GPSM3: variants seen among roughly 807,000 people sequenced by gnomAD.
GPSM3 encodes the protein G protein-signaling modulator 3.
GPSM3 carries 16 observed loss-of-function variants against 20.4 expected under a neutral mutation model. That is an observed-to-expected ratio of 0.78 (90% CI 0.53 to 1.19). The LOEUF (loss-of-function observed/expected upper bound fraction) is 1.19. Among genes scored for constraint, GPSM3 ranks in the 50% most tolerant of loss-of-function variants. The pLI is 0.00. For synonymous variants in GPSM3, 70 were observed against 79.6 expected (o/e 0.88, Z 0.64); for missense variants, 177 against 204.6 (o/e 0.86, Z 0.82).
At chr6:32,195,510 GA>G, upstream of GPSM3, 1 of 1,613,060 alleles carries the variant, frequency 6.2e-7, no homozygotes, top group Non-Finnish European at 8.5e-7. This position sits in a 1 kb window ranked among gnomAD's most constrained non-coding sequence, Gnocchi z 5.4. Flanking sequence ...AAGTTGAGGT[GA>G]TCCCCGCTCC....
chr6:32,192,718 C>G (rs1031390059), upstream of GPSM3: 1 of 460,510 alleles, frequency 2.2e-6, no homozygotes, highest in Admixed American at 3.8e-5. This position sits in a 1 kb window ranked among gnomAD's most constrained non-coding sequence, Gnocchi z 5.1. Context: ...CATTCTCTTC[C>G]CACCCAAACA....
In GPSM3 at chr6:32,191,317, G is replaced by T. The variant is rs370194511; in HGVS notation, c.*49C>A. The stretch of plus-strand genomic sequence containing the variant: ...AAGAGTTGAGGGCATGCAATGGGCT[G>T]CCCAGCTTTGAGACCAGTGGCAAGG... On this transcript the variant is annotated 3_prime_UTR_variant, in exon 4 of 4. Transcript: ENST00000375040. The surrounding 1 kb of genome is among the most constrained non-coding windows in gnomAD (Gnocchi z 5.9). The T allele has an allele frequency of 7.4e-5, 116 of 1,558,586 alleles. No homozygotes were observed. The highest frequency in any genetic ancestry group is 1.1e-4 in the Admixed American group (5 of 45,280).
chr6:32,192,883 C>T, upstream of GPSM3: 1 of 251,418 alleles, frequency 4.0e-6, no homozygotes, highest in Non-Finnish European at 7.6e-6. The surrounding 1 kb of genome is among the most constrained non-coding windows in gnomAD (Gnocchi z 5.1). Context: ...GCTCCCTCCA[C>T]CCCACCTCCT....
chr6:32,191,663 C>T lies in GPSM3; in HGVS notation c.345+46G>A, dbSNP rs747709742. The T allele has an allele frequency of 1.2e-5, 19 of 1,529,388 alleles. No homozygotes were observed. Among genetic ancestry groups the T allele is most frequent in the South Asian group, 2.4e-5 (2 of 82,022 alleles). The allele number at this position is 1,529,388 out of a possible 1,614,324, so 94.7% of individuals were successfully genotyped here. On this transcript the variant is annotated intron_variant, in intron 3 of 3. Coordinates refer to ENST00000375040, the MANE Select transcript of GPSM3 (RefSeq NM_001276501.2). This position sits in a 1 kb window ranked among gnomAD's most constrained non-coding sequence, Gnocchi z 5.9. ...GTAGAGCCCCAAAGAGAACAGGGGC[C>T]AAGAGACCAGGAGGCCTGGGTTTGC...
chr6:32,191,759 G>A lies in GPSM3; in HGVS notation c.295C>T (p.Arg99Cys), dbSNP rs372347840. ...AGCTGTTCTCTGTCCTCGAGAGGAC[G>A]GAGTGGGGCAGGGGCTAGGCTTGAG... The part of the protein sequence containing the change: ...NPSSLAPAPL[R>C]PLEDREQLYS... Residue 99 changes from arginine to cysteine, a missense_variant, in exon 3 of 4, where the codon CGT becomes TGT. By Grantham distance (180) the Arg-to-Cys change is radical (BLOSUM62 -3). Transcript: ENST00000375040. The surrounding 1 kb of genome is among the most constrained non-coding windows in gnomAD (Gnocchi z 5.9). 487 of 1,612,678 alleles carry A rather than the reference G, an allele frequency of 3.0e-4. 6 individuals carry two copies. The South Asian group carries it at 5.0e-3, about 16-fold the overall frequency.
In GPSM3 at chr6:32,191,400, T is replaced by C; in HGVS notation, c.449A>G (p.Glu150Gly). The change falls in exon 4 of 4, where the codon GAG (glutamate) becomes GGG (glycine). Residue 150 changes from glutamate (E) to glycine (G), a missense_variant. By Grantham distance (98) the Glu-to-Gly change is moderately conservative. Transcript: ENST00000375040. This position sits in a 1 kb window ranked among gnomAD's most constrained non-coding sequence, Gnocchi z 5.9. ...GTGTGTGGGGGGCCGGGACCTTTGC[T>C]CCTCCATTCGACCCCCACCCTGAAC... ...LRVQGGGRME[E>G]QRSRPPTHTC is the part of the protein sequence containing the mutation. 6.3e-7 allele frequency: 1 copy of C among 1,586,934 alleles called. No individual in the cohort carries two copies. The highest frequency in any genetic ancestry group is 8.5e-7 in the Non-Finnish European group (1 of 1,170,592).
upstream of GPSM3, among the ~76,000 whole-genome samples, chr6:32,193,984 A>G (rs889570164): frequency 6.6e-6 from 1 of 152,192 alleles, no homozygotes. The surrounding 1 kb of genome is among the most constrained non-coding windows in gnomAD (Gnocchi z 4.7). Flanking sequence ...TATTCCTTGC[A>G]ATCTTGGGCA....
upstream of GPSM3, chr6:32,194,277 G>A (rs947275149): frequency 1.3e-5 from 2 of 152,208 alleles, no homozygotes; most frequent in African/African-American, 4.8e-5. This position sits in a 1 kb window ranked among gnomAD's most constrained non-coding sequence, Gnocchi z 4.5. Flanking sequence ...GAGGGACAAA[G>A]TGTGTGCATC....
In GPSM3 at chr6:32,192,396, C is replaced by G; in HGVS notation, c.42+76G>C. ...CCAAGCCTTTCAAGGCCCCTGTGTC[C>G]CTACATTTCTGCCCCAGGTCCTCTC... On this transcript the variant is annotated intron_variant, in intron 1 of 3. Coordinates refer to ENST00000375040, the MANE Select transcript of GPSM3 (RefSeq NM_001276501.2). The surrounding 1 kb of genome is among the most constrained non-coding windows in gnomAD (Gnocchi z 5.1). 2 of 1,486,240 alleles carry G rather than the reference C, an allele frequency of 1.3e-6. No individual in the cohort carries two copies. Among genetic ancestry groups the G allele is most frequent in the Non-Finnish European group, 1.8e-6 (2 of 1,088,940 alleles). The allele number at this position is 1,486,240 out of a possible 1,614,324, so 92.1% of individuals were successfully genotyped here.
rs1169605609 is a variant in GPSM3 at position 32,191,420 on chromosome 6, C to T, written c.429G>A (p.Gln143=). The change falls in exon 4 of 4, where the codon CAG becomes CAA. Residue 143 remains glutamine, a synonymous_variant. Coordinates refer to ENST00000375040, the MANE Select transcript of GPSM3 (RefSeq NM_001276501.2). This position sits in a 1 kb window ranked among gnomAD's most constrained non-coding sequence, Gnocchi z 5.9. ...TTTGCTCCTCCATTCGACCCCCACCCTGAACTCTCAGCAGCAACTCCAGGA... is the reference window on the plus strand; with the variant it reads ...TTTGCTCCTCCATTCGACCCCCACCTTGAACTCTCAGCAGCAACTCCAGGA... ...QELLELLLRV[Q]GGGRMEEQRS... 1 of 1,595,082 alleles carries T rather than the reference C, an allele frequency of 6.3e-7. No individual in the cohort carries two copies. Among genetic ancestry groups the T allele is most frequent in the Non-Finnish European group, 8.5e-7 (1 of 1,172,454 alleles).
chr6:32,192,307 G>A lies in GPSM3; in HGVS notation c.43-57C>T. 1 of 1,420,486 alleles carries A rather than the reference G, an allele frequency of 7.0e-7. No homozygotes were observed. Among genetic ancestry groups the A allele is most frequent in the South Asian group, 1.3e-5 (1 of 76,906 alleles). 88.0% of individuals were successfully genotyped at this position (1,420,486 alleles called of 1,614,324 possible). ...CAGTGGTGGTTGAAGCGGGAGGAGT[G>A]GACAGGGGGCTAGGCCAGTGGCCCG... On this transcript the variant is annotated intron_variant, in intron 1 of 3. Transcript: ENST00000375040. This position sits in a 1 kb window ranked among gnomAD's most constrained non-coding sequence, Gnocchi z 5.1.
chr6:32,192,291 T>C lies in GPSM3; in HGVS notation c.43-41A>G. On this transcript the variant is annotated intron_variant, in intron 1 of 3. Coordinates refer to ENST00000375040, the MANE Select transcript of GPSM3 (RefSeq NM_001276501.2). The surrounding 1 kb of genome is among the most constrained non-coding windows in gnomAD (Gnocchi z 5.1). ...GTCCATTCTAGTCAAGCAGTGGTGGTTGAAGCGGGAGGAGTGGACAGGGGG... is the reference window on the plus strand; with the variant it reads ...GTCCATTCTAGTCAAGCAGTGGTGGCTGAAGCGGGAGGAGTGGACAGGGGG... 1.4e-6 allele frequency: 2 copies of C among 1,481,276 alleles called. No homozygotes were observed. The highest frequency in any genetic ancestry group is 2.6e-5 in the South Asian group (2 of 77,660). 91.8% of individuals were successfully genotyped at this position (1,481,276 alleles called of 1,614,324 possible).
At position 32,191,693 on chromosome 6, in the gene GPSM3, T is replaced by TG; in HGVS notation, c.345+15dup. ...GACCAGGAGGCCTGGGTTTGCCTCCTGGGGGGATGTCTTACCTGGTGACTG... is the reference window on the plus strand; with the variant it reads ...GACCAGGAGGCCTGGGTTTGCCTCCTGGGGGGGATGTCTTACCTGGTGACTG... On this transcript the variant is annotated intron_variant, in intron 3 of 3. Transcript: ENST00000375040. This position sits in a 1 kb window ranked among gnomAD's most constrained non-coding sequence, Gnocchi z 5.9. 1.3e-6 allele frequency: 2 copies of TG among 1,586,094 alleles called. No homozygotes were observed. The highest frequency in any genetic ancestry group is 1.1e-5 in the South Asian group (1 of 88,368).
upstream of GPSM3, chr6:32,194,521 G>A (rs1223652429): frequency 6.4e-6 from 1 of 157,454 alleles, no homozygotes; most frequent in African/African-American, 2.4e-5. This position sits in a 1 kb window ranked among gnomAD's most constrained non-coding sequence, Gnocchi z 4.5. Context: ...CTGACAGGAG[G>A]TGGAGCTTGG....
Position 32,192,061 on chromosome 6 carries a change from G to T in GPSM3, c.145+87C>A. The T allele has an allele frequency of 7.8e-7, 1 of 1,287,332 alleles. No individual in the cohort carries two copies. Among genetic ancestry groups the T allele is most frequent in the Non-Finnish European group, 1.1e-6 (1 of 918,708 alleles). The allele number at this position is 1,287,332 out of a possible 1,614,324, so 79.7% of individuals were successfully genotyped here. ...CCAAGGGGAGTCTGGAGGAGGTGGG[G>T]AGAGGGCCCACAATGGAGTGGGCCT... On this transcript the variant is annotated intron_variant, in intron 2 of 3. Coordinates refer to ENST00000375040, the MANE Select transcript of GPSM3 (RefSeq NM_001276501.2). This position sits in a 1 kb window ranked among gnomAD's most constrained non-coding sequence, Gnocchi z 5.1.
rs1175654921 is a variant in GPSM3, at chr6:32,192,058, G to A, written c.145+90C>T. ...ATCCCAAGGGGAGTCTGGAGGAGGT[G>A]GGGAGAGGGCCCACAATGGAGTGGG... On this transcript the variant is annotated intron_variant, in intron 2 of 3. Coordinates refer to ENST00000375040, the MANE Select transcript of GPSM3 (RefSeq NM_001276501.2). The surrounding 1 kb of genome is among the most constrained non-coding windows in gnomAD (Gnocchi z 5.1). 2.4e-6 allele frequency: 3 copies of A among 1,274,758 alleles called. No homozygotes were observed. The South Asian group carries it at 4.1e-5, about 17-fold the overall frequency. 79.0% of individuals were successfully genotyped at this position (1,274,758 alleles called of 1,614,324 possible). A position where few individuals can be genotyped will look rare whatever the true frequency, so the allele number is the denominator to read the frequency against.
chr6:32,191,919 G>A lies in GPSM3; in HGVS notation c.146-11C>T. 6.2e-7 allele frequency: 1 copy of A among 1,609,982 alleles called. No homozygotes were observed. Among genetic ancestry groups the A allele is most frequent in the Non-Finnish European group, 8.5e-7 (1 of 1,178,726 alleles). On this transcript the variant is annotated splice_polypyrimidine_tract_variant and intron_variant, in intron 2 of 3. Coordinates refer to ENST00000375040, the MANE Select transcript of GPSM3 (RefSeq NM_001276501.2). The surrounding 1 kb of genome is among the most constrained non-coding windows in gnomAD (Gnocchi z 5.9). ...AGCGGGGTCCCAGGGCTGGGGAGAG[G>A]GGTGTGGAGGGCTCAGAGACCCAGA... is the stretch of plus-strand genomic sequence containing the variant.
Position 32,192,181 on chromosome 6 carries a change from G to C in GPSM3, c.112C>G (p.Pro38Ala). ...STTRPWRSAP[P>A]SPPPPGTRHT... ...CGGGTCCCTGGAGGAGGAGGGGATG[G>C]AGGAGCAGATCGCCAAGGCCGAGTG... is the stretch of plus-strand genomic sequence containing the variant. Residue 38 changes from proline (P) to alanine (A), a missense_variant, in exon 2 of 4, where the codon CCA becomes GCA. Physicochemically the swap from Pro to Ala is conservative, Grantham distance 27 (BLOSUM62 -1). Coordinates refer to ENST00000375040, the MANE Select transcript of GPSM3 (RefSeq NM_001276501.2). This position sits in a 1 kb window ranked among gnomAD's most constrained non-coding sequence, Gnocchi z 5.1. 6.6e-7 allele frequency: 1 copy of C among 1,512,738 alleles called. No homozygotes were observed. The highest frequency in any genetic ancestry group is 8.8e-7 in the Non-Finnish European group (1 of 1,131,008). The allele number at this position is 1,512,738 out of a possible 1,614,324, so 93.7% of individuals were successfully genotyped here.
In GPSM3 at chr6:32,191,904, C is replaced by G; in HGVS notation, c.150G>C (p.Leu50=). The G allele has an allele frequency of 6.2e-7, 1 of 1,610,724 alleles. No homozygotes were observed. The highest frequency in any genetic ancestry group is 1.7e-5 in the Admixed American group (1 of 59,972). ...AGAGCAGGGAGGCCGAGCGGGGTCC[C>G]AGGGCTGGGGAGAGGGGTGTGGAGG... is the stretch of plus-strand genomic sequence containing the variant. ...PPPPGTRHTA[L]GPRSASLLSL... is the part of the protein sequence containing the mutation. The change falls in exon 3 of 4, where the codon CTG becomes CTC. Residue 50 remains leucine (L), a synonymous_variant. Transcript: ENST00000375040. The surrounding 1 kb of genome is among the most constrained non-coding windows in gnomAD (Gnocchi z 5.9).
Sources: gnomAD v4.1 joint callset for allele counts (sites outside exome capture counted in the v4.1 genomes callset) on GRCh38, gnomAD v4.1.1 for gene constraint, Gnocchi (gnomAD v3.1) non-coding constraint, MANE v1.5 for transcripts, NCBI Gene and HGNC (gene_info 2026-07-23, HGNC 2026-07-21) for gene names.